Variants in UVRAG observed in about 807,000 individuals in gnomAD.
UVRAG encodes UV radiation resistance associated.
In UVRAG, 19 loss-of-function variants were observed where a neutral mutation model predicts 78.0. That is an observed-to-expected ratio of 0.24 (90% CI 0.17 to 0.36). The LOEUF (loss-of-function observed/expected upper bound fraction) is 0.36. Ranked by LOEUF, UVRAG falls within the 10% of genes least tolerant of loss-of-function variation. The pLI, the probability that UVRAG is intolerant of heterozygous loss-of-function variation, is 1.00. For synonymous variants in UVRAG, 323 were observed against 324.6 expected (o/e 1.00, Z 0.05); for missense variants, 740 against 853.8 (o/e 0.87, Z 1.66).
intron 13 of UVRAG, among the ~76,000 whole-genome samples, chr11:76,082,571 A>G (rs556144733): frequency 6.6e-6 from 1 of 151,548 alleles, no homozygotes. Flanking sequence ...ATAGGTAACA[A>G]TTTTTTAAAC....
intron 12 of UVRAG, among the ~76,000 whole-genome samples, chr11:76,058,312 C>T (rs1298649136): frequency 3.3e-5 from 5 of 151,992 alleles, no homozygotes; most frequent in African/African-American, 1.2e-4. Flanking sequence ...GGGAGGATTG[C>T]TTGAGCCCAG....
At chr11:75,927,101 G>T (rs976559413) in intron 6 of UVRAG, among the ~76,000 whole-genome samples, 1 of 146,086 alleles carries the variant, frequency 6.8e-6, no homozygotes, top group South Asian at 2.1e-4. Context: ...ATGAAGTCTC[G>T]CTCTGTTGCC....
intron 7 of UVRAG, among the ~76,000 whole-genome samples, chr11:75,975,156 G>C (rs1374677247): frequency 6.6e-6 from 1 of 152,174 alleles, no homozygotes; most frequent in Non-Finnish European, 1.5e-5. Context: ...TGTCAGGTTT[G>C]TCAAAGATCA....
intron 3 of UVRAG, among the ~76,000 whole-genome samples, chr11:75,874,937 G>A (rs1946733641): frequency 6.6e-6 from 1 of 152,188 alleles, no homozygotes; most frequent in South Asian, 2.1e-4. Context: ...CATTCCACAA[G>A]CCAGTGGTTC....
intron 1 of UVRAG, among the ~76,000 whole-genome samples, chr11:75,826,702 T>C (rs1565332551): frequency 6.6e-6 from 1 of 152,020 alleles, no homozygotes; most frequent in Non-Finnish European, 1.5e-5. Context: ...TCTTTTTTTT[T>C]TTTTTTTTTT....
intron 1 of UVRAG, among the ~76,000 whole-genome samples, chr11:75,818,456 T>A (rs1380251957): frequency 6.6e-6 from 1 of 152,014 alleles, no homozygotes; most frequent in Non-Finnish European, 1.5e-5. Flanking sequence ...TTTTAATACA[T>A]CCCGTACTAG....
At chr11:76,126,075 G>A (rs1191067851) in intron 14 of UVRAG, among the ~76,000 whole-genome samples, 1 of 150,844 alleles carries the variant, frequency 6.6e-6, no homozygotes, top group Non-Finnish European at 1.5e-5. Context: ...TCAGCCTCCC[G>A]GGCAGCTGGG....
At chr11:75,821,332 G>A (rs1945381072) in intron 1 of UVRAG, among the ~76,000 whole-genome samples, 1 of 151,986 alleles carries the variant, frequency 6.6e-6, no homozygotes, top group Non-Finnish European at 1.5e-5. Context: ...CTCTTGATGG[G>A]TCCTTTGTTT....
intron 13 of UVRAG, among the ~76,000 whole-genome samples, chr11:76,085,672 C>A (rs984842433): frequency 6.6e-6 from 1 of 152,120 alleles, no homozygotes; most frequent in Non-Finnish European, 1.5e-5. Flanking sequence ...TTTTCTTTTT[C>A]ACCTTGCAGG....
intron 8 of UVRAG, among the ~76,000 whole-genome samples, chr11:75,995,387 C>A (rs1459490919): frequency 1.3e-5 from 2 of 150,376 alleles, no homozygotes; most frequent in African/African-American, 4.9e-5. Context: ...TTTCATTGCT[C>A]AGATTTGGGG....
intron 14 of UVRAG, among the ~76,000 whole-genome samples, chr11:76,139,922 C>A (rs1349882680): frequency 6.6e-6 from 1 of 151,380 alleles, no homozygotes; most frequent in Non-Finnish European, 1.5e-5. Flanking sequence ...CATTGCAGAC[C>A]AAGTATTGTA....
intron 4 of UVRAG, among the ~76,000 whole-genome samples, chr11:75,887,448 G>GTTTTT (rs1253746430): frequency 8.8e-6 from 1 of 114,136 alleles, no homozygotes; most frequent in Non-Finnish European, 1.8e-5. Flanking sequence ...CCTGGCGCAG[G>GTTTTT]TTTTTTTTTT....
chr11:75,827,077 C>G (rs148214085), intron 1 of UVRAG, among the ~76,000 whole-genome samples: 88 of 152,036 alleles, frequency 5.8e-4, no homozygotes, highest in African/African-American at 2.0e-3. Context: ...GAAGCTGAAA[C>G]TAGCAGCAAC....
chr11:75,975,584 C>A (rs1949222129), intron 7 of UVRAG, among the ~76,000 whole-genome samples: 1 of 152,168 alleles, frequency 6.6e-6, no homozygotes, highest in African/African-American at 2.4e-5. Context: ...TCCTTCACAT[C>A]CCTTGTAAGT....
At chr11:76,004,902 A>C (rs1334159430) in intron 9 of UVRAG, among the ~76,000 whole-genome samples, 2 of 152,226 alleles carry the variant, frequency 1.3e-5, no homozygotes, top group Non-Finnish European at 2.9e-5. Context: ...TTCGTTTAAC[A>C]AATGCCAATA....
At chr11:75,911,886 C>G (rs989793582) in intron 5 of UVRAG, 68 bp from the exon 6 acceptor site, 71 of 1,055,084 alleles carry the variant, frequency 6.7e-5, no homozygotes, top group Non-Finnish European at 9.7e-5. Context: ...AAAAGACAAG[C>G]ATGATTAATT....
intron 13 of UVRAG, among the ~76,000 whole-genome samples, chr11:76,070,301 G>A (rs1396698503): frequency 2.6e-5 from 4 of 152,132 alleles, no homozygotes; most frequent in Non-Finnish European, 4.4e-5. Flanking sequence ...GTGGGAGGGA[G>A]AGGAGGAAAT....
At chr11:75,965,413 A>C (rs1385583608) in intron 7 of UVRAG, among the ~76,000 whole-genome samples, 1 of 152,088 alleles carries the variant, frequency 6.6e-6, no homozygotes, top group Non-Finnish European at 1.5e-5. Context: ...CCGGGTTCAC[A>C]CCATTCTCCT....
At chr11:75,836,438 G>C (rs1188503355) in intron 1 of UVRAG, among the ~76,000 whole-genome samples, 1 of 152,110 alleles carries the variant, frequency 6.6e-6, no homozygotes, top group Non-Finnish European at 1.5e-5. Flanking sequence ...TTGATCTCCT[G>C]GGCTGGGTAC....
Sources: allele counts gnomAD v4.1 joint callset (sites outside exome capture counted in the v4.1 genomes callset), GRCh38; gene constraint gnomAD v4.1.1; transcripts MANE v1.5; gene names NCBI Gene and HGNC (gene_info 2026-07-23, HGNC 2026-07-21).